Variants in PCDHA4 observed in about 807,000 individuals in gnomAD.
PCDHA4 encodes the protein protocadherin alpha-4.
PCDHA4 carries 49 observed loss-of-function variants against 61.4 expected under a neutral mutation model. The observed-to-expected ratio is 0.80, with a 90% CI of 0.63 to 1.01. PCDHA4 has a LOEUF of 1.01. PCDHA4 is among the 50% of genes least tolerant of loss of function. PCDHA4 has a pLI of 0.00. For missense variants in PCDHA4, 1,254 were observed against 1,235.8 expected (o/e 1.01, Z -0.22); for synonymous variants, 590 against 550.3 (o/e 1.07, Z -1.01).
chr5:140,812,885 GA>G (rs1466050277), intron 1 of PCDHA4: 1 of 152,092 alleles, frequency 6.6e-6, no homozygotes, highest in African/African-American at 2.4e-5. Context: ...TCATTCAAAT[GA>G]AATTTTGAAC....
At chr5:140,866,463 T>C (rs1372484700) in intron 1 of PCDHA4, 1 of 152,128 alleles carries the variant, frequency 6.6e-6, no homozygotes, top group Non-Finnish European at 1.5e-5. Flanking sequence ...GCTGGGAAGC[T>C]CATAACAACT....
At chr5:140,970,247 C>T (rs551216649) in intron 1 of PCDHA4, among the ~76,000 whole-genome samples, 1 of 152,290 alleles carries the variant, frequency 6.6e-6, no homozygotes, top group East Asian at 1.9e-4. Context: ...TTTCTGTTGA[C>T]AGTTTCTATG....
In PCDHA4 at chr5:141,011,583, A is replaced by G. The variant is rs2098421115; in HGVS notation, c.*1646A>G. On this transcript the variant is annotated 3_prime_UTR_variant, in exon 4 of 4. Transcript: ENST00000530339. ...AGTAAAATTTCTTTCTTAAATCAAG[A>G]TACTGGTGATTCAAGGAATTTTATT... is the stretch of plus-strand genomic sequence containing the variant. 1 of 153,656 alleles carries G rather than the reference A, an allele frequency of 6.5e-6. No individual in the cohort carries two copies. Among genetic ancestry groups the G allele is most frequent in the Admixed American group, 6.6e-5 (1 of 15,258 alleles). The allele number at this position is 153,656 out of a possible 1,614,324, so 9.5% of individuals were successfully genotyped here.
rs182070121 is a variant in PCDHA4, at chr5:140,953,927, G to A, written c.2386-25022G>A. On this transcript the variant is annotated intron_variant, in intron 1 of 3. Coordinates refer to ENST00000530339, the MANE Select transcript of PCDHA4 (RefSeq NM_018907.4). ...GCATCCATTAGGTATTCTTCCTGAT[G>A]CTCTCCCTCCCATTGCTCCCCCAAC... Among the ~76,000 whole-genome samples the A allele has an allele frequency of 2.1e-3, 313 of 152,142 alleles. 1 individual carries two copies. The highest frequency in any genetic ancestry group is 7.1e-3 in the African/African-American group (295 of 41,500).
intron 1 of PCDHA4, chr5:140,842,664 T>C: frequency 6.3e-7 from 1 of 1,595,188 alleles, no homozygotes; most frequent in Non-Finnish European, 8.6e-7. Context: ...GTGGCCGACG[T>C]GAACGACAAT....
rs2052689459 is a variant in PCDHA4, at chr5:140,871,081, G to T, written c.2385+61509G>T. 9 of 1,613,214 alleles carry T rather than the reference G, an allele frequency of 5.6e-6. No homozygotes were observed. The African/African-American group carries it at 6.7e-5, about 12-fold the overall frequency. On this transcript the variant is annotated intron_variant, in intron 1 of 3. Coordinates refer to ENST00000530339, the MANE Select transcript of PCDHA4 (RefSeq NM_018907.4). ...GGATCACGGTGAGCCGGCGCTGACG[G>T]CCACGGCCACCGTGCTGGTGTCGTT... is the stretch of plus-strand genomic sequence containing the variant.
chr5:140,927,587 T>C (rs1411741184), intron 1 of PCDHA4: 1 of 1,614,044 alleles, frequency 6.2e-7, no homozygotes, highest in African/African-American at 1.3e-5. Flanking sequence ...AACGCGCCTG[T>C]ATTTGAGCGC....
At chr5:140,912,494 A>T (rs536513157) in intron 1 of PCDHA4, among the ~76,000 whole-genome samples, 1 of 152,190 alleles carries the variant, frequency 6.6e-6, no homozygotes, top group South Asian at 2.1e-4. Context: ...CAGATCTAGG[A>T]GCTTTTTGGA....
intron 1 of PCDHA4, among the ~76,000 whole-genome samples, chr5:140,905,373 G>C (rs556428182): frequency 3.1e-4 from 47 of 152,236 alleles, no homozygotes; most frequent in Non-Finnish European, 4.6e-4. Context: ...CTGGTTCTCT[G>C]TTCTGTTTCA....
At chr5:140,987,275 CTA>C (rs1554249023) in intron 3 of PCDHA4, among the ~76,000 whole-genome samples, 1 of 151,726 alleles carries the variant, frequency 6.6e-6, no homozygotes, top group Non-Finnish European at 1.5e-5. Context: ...ACCCGGCAGT[CTA>C]TGTTTTAACA....
chr5:140,871,028 C>A (rs782198197), intron 1 of PCDHA4: 2 of 1,613,234 alleles, frequency 1.2e-6, no homozygotes, highest in Non-Finnish European at 1.7e-6. Context: ...GCAGACTCGC[C>A]GCGCCACCGA....
intron 1 of PCDHA4, chr5:140,866,298 G>A (rs2049270991): frequency 6.6e-6 from 1 of 152,134 alleles, no homozygotes; most frequent in African/African-American, 2.4e-5. Flanking sequence ...AAGTATAGAT[G>A]TTGATATTAT....
At position 141,009,757 on chromosome 5, in the gene PCDHA4, A is replaced by G; in HGVS notation, c.2664A>G (p.Pro888=). 6.2e-7 allele frequency: 1 copy of G among 1,614,200 alleles called. No individual in the cohort carries two copies. Among genetic ancestry groups the G allele is most frequent in the Non-Finnish European group, 8.5e-7 (1 of 1,180,036 alleles). Residue 888 remains proline (P), a synonymous_variant, in exon 4 of 4, where the codon CCA becomes CCG. Coordinates refer to ENST00000530339, the MANE Select transcript of PCDHA4 (RefSeq NM_018907.4). ...AGTTGCCCGACAAATTCATTATCCCAGGATCTCCTGCAATCATCTCCATCC... is the reference window on the plus strand; with the variant it reads ...AGTTGCCCGACAAATTCATTATCCCGGGATCTCCTGCAATCATCTCCATCC... ...PGELPDKFII[P]GSPAIISIRQ... is the part of the protein sequence containing the mutation.
chr5:140,989,552 G>A (rs975079697), intron 3 of PCDHA4, among the ~76,000 whole-genome samples: 33 of 152,180 alleles, frequency 2.2e-4, no homozygotes, highest in African/African-American at 7.7e-4. Context: ...ATTCCTTTAC[G>A]TTTTGTGGCT....
Position 140,823,155 on chromosome 5 carries a change from C to T in PCDHA4, c.2385+13583C>T, listed in dbSNP as rs142802947. The T allele has an allele frequency of 2.5e-6, 4 of 1,613,730 alleles. No individual in the cohort carries two copies. In the South Asian group the frequency reaches 3.3e-5, roughly 13 times the overall value. ...CGGCGTTCGCGCAGCCCCAGTATACCGTGTTCGTGAAGGAGAACAACCCGC... is the reference window on the plus strand; with the variant it reads ...CGGCGTTCGCGCAGCCCCAGTATACTGTGTTCGTGAAGGAGAACAACCCGC... On this transcript the variant is annotated intron_variant, in intron 1 of 3. Transcript: ENST00000530339.
chr5:140,920,703 G>A (rs1435351032), intron 1 of PCDHA4, among the ~76,000 whole-genome samples: 1 of 152,060 alleles, frequency 6.6e-6, no homozygotes, highest in Non-Finnish European at 1.5e-5. Context: ...CATTAGCTTG[G>A]CATGGTGGTG....
At position 141,011,373 on chromosome 5, in the gene PCDHA4, TAA is replaced by T. The variant is rs1299941460; in HGVS notation, c.*1437_*1438del. The T allele has an allele frequency of 1.3e-5, 2 of 153,792 alleles. No homozygotes were observed. Among genetic ancestry groups the T allele is most frequent in the Non-Finnish European group, 2.9e-5 (2 of 68,046 alleles). The allele number at this position is 153,792 out of a possible 1,614,324, so 9.5% of individuals were successfully genotyped here. A position where few individuals can be genotyped will look rare whatever the true frequency, so the allele number is the denominator to read the frequency against. The stretch of plus-strand genomic sequence containing the variant: ...CCCATATGTATGCTGTATGCTATGC[TAA>T]GACTCCTGAAATATACTTACTCTGT... On this transcript the variant is annotated 3_prime_UTR_variant, in exon 4 of 4. Coordinates refer to ENST00000530339, the MANE Select transcript of PCDHA4 (RefSeq NM_018907.4).
intron 1 of PCDHA4, among the ~76,000 whole-genome samples, chr5:140,891,792 G>A (rs2063250974): frequency 6.6e-6 from 1 of 152,152 alleles, no homozygotes; most frequent in Non-Finnish European, 1.5e-5. Flanking sequence ...TAGATTATGA[G>A]GGATCTGCCC....
intron 1 of PCDHA4, chr5:140,859,181 G>A (rs1006816858): frequency 6.7e-6 from 1 of 149,700 alleles, no homozygotes; most frequent in Admixed American, 6.7e-5. Context: ...ATCAGCATTA[G>A]GCATTGCTTA....
Sources: allele counts gnomAD v4.1 joint callset (sites outside exome capture counted in the v4.1 genomes callset), GRCh38; gene constraint gnomAD v4.1.1; transcripts MANE v1.5; gene names NCBI Gene and HGNC (gene_info 2026-07-23, HGNC 2026-07-21).